Variants in HS3ST5 observed in about 807,000 individuals in gnomAD.
HS3ST5 encodes heparan sulfate-glucosamine 3-sulfotransferase 5.
In HS3ST5, 10 loss-of-function variants were observed where a neutral mutation model predicts 25.4. The ratio of observed to expected loss-of-function variants is 0.39; its 90% CI spans 0.24 to 0.67. HS3ST5 has a LOEUF of 0.67. Ranked by LOEUF, HS3ST5 falls within the 30% of genes least tolerant of loss-of-function variation. HS3ST5 has a pLI of 0.44. For missense variants in HS3ST5, 324 were observed against 420.7 expected, an observed-to-expected ratio of 0.77 and a Z score of 2.01; for synonymous variants, 170 against 162.4, an observed-to-expected ratio of 1.05 and a Z score of -0.36.
intron 1 of HS3ST5, among the ~76,000 whole-genome samples, chr6:114,239,590 A>G (rs1772010022): frequency 6.6e-6 from 1 of 152,108 alleles, no homozygotes; most frequent in Non-Finnish European, 1.5e-5. Flanking sequence ...AAACTAGGAG[A>G]TGAGAACTAC....
intron 3 of HS3ST5, among the ~76,000 whole-genome samples, chr6:114,072,649 T>C (rs978474680): frequency 6.6e-6 from 1 of 152,132 alleles, no homozygotes; most frequent in African/African-American, 2.4e-5. Flanking sequence ...AGTCAATTCA[T>C]GGTGGTAGCT....
At chr6:114,178,948 A>G (rs1281433279) in intron 2 of HS3ST5, 1 of 152,124 alleles carries the variant, frequency 6.6e-6, no homozygotes, top group Admixed American at 6.6e-5. Flanking sequence ...TTTTTGAAAA[A>G]AAAGGAAAAC....
intron 3 of HS3ST5, among the ~76,000 whole-genome samples, chr6:114,087,057 C>A (rs1385577308): frequency 6.6e-6 from 1 of 152,164 alleles, no homozygotes; most frequent in Non-Finnish European, 1.5e-5. Flanking sequence ...TCAGTGCTCA[C>A]CTGTGGGCTC....
chr6:114,165,407 G>A (rs1238040236), intron 3 of HS3ST5, among the ~76,000 whole-genome samples: 1 of 152,092 alleles, frequency 6.6e-6, no homozygotes, highest in Non-Finnish European at 1.5e-5. Flanking sequence ...TTTGGTCTTT[G>A]TTTCATTTTA....
chr6:114,323,526 A>G (rs539760389), intron 1 of HS3ST5, among the ~76,000 whole-genome samples: 54 of 152,222 alleles, frequency 3.5e-4, no homozygotes, highest in African/African-American at 1.3e-3. Flanking sequence ...TTCAAGTCCT[A>G]TCTCTTCCTC....
At chr6:114,335,518 T>A (rs1437219637) in intron 1 of HS3ST5, among the ~76,000 whole-genome samples, 1 of 152,178 alleles carries the variant, frequency 6.6e-6, no homozygotes, top group Non-Finnish European at 1.5e-5. Context: ...TTCAATTCCA[T>A]AGCAAAAACT....
intron 3 of HS3ST5, among the ~76,000 whole-genome samples, chr6:114,152,132 C>T (rs145824413): frequency 0.018 from 2,728 of 152,042 alleles, 40 homozygotes; most frequent in Non-Finnish European, 0.026. Context: ...TCTTGTTAGC[C>T]AGGATGGTCT....
chr6:114,200,205 G>A (rs903282065), intron 2 of HS3ST5, among the ~76,000 whole-genome samples: 3 of 152,090 alleles, frequency 2.0e-5, no homozygotes, highest in African/African-American at 7.2e-5. Context: ...AAACAAGAGT[G>A]AAACTTCAAC....
In HS3ST5 at chr6:114,223,884, T is replaced by C. The variant is rs1264143405; in HGVS notation, c.-145+4701A>G. 2.0e-5 allele frequency among the ~76,000 whole-genome samples: 3 copies of C among 151,860 alleles called. No individual in the cohort carries two copies. In the East Asian group the frequency reaches 5.8e-4, roughly 29 times the overall value. Reference sequence around the variant, plus strand: ...AATACAGGAGCTGAATTTTTAAACTTAGTCTACCACCTAAAAAATGGGTTA... The same window carrying C: ...AATACAGGAGCTGAATTTTTAAACTCAGTCTACCACCTAAAAAATGGGTTA... On this transcript the variant is annotated intron_variant, in intron 2 of 4. Transcript: ENST00000312719.
intron 1 of HS3ST5, among the ~76,000 whole-genome samples, chr6:114,297,861 C>A (rs931575553): frequency 6.6e-6 from 1 of 152,218 alleles, no homozygotes; most frequent in Non-Finnish European, 1.5e-5. Flanking sequence ...GAATCTGACA[C>A]ATTGTTTTGG....
chr6:114,060,217 T>C (rs1266764446), intron 4 of HS3ST5, among the ~76,000 whole-genome samples: 1 of 152,098 alleles, frequency 6.6e-6, no homozygotes, highest in Non-Finnish European at 1.5e-5. Flanking sequence ...TTTCACCATG[T>C]TGGCCTGGCT....
chr6:114,128,948 C>A (rs1420989637), intron 3 of HS3ST5, among the ~76,000 whole-genome samples: 1 of 152,120 alleles, frequency 6.6e-6, no homozygotes, highest in Non-Finnish European at 1.5e-5. Context: ...CTGATAAATT[C>A]TCTTCATCTT....
chr6:114,223,106 G>A (rs1332434458), intron 2 of HS3ST5, among the ~76,000 whole-genome samples: 1 of 151,254 alleles, frequency 6.6e-6, no homozygotes. Flanking sequence ...TTTTGCTGAG[G>A]TATATATAAT....
intron 1 of HS3ST5, among the ~76,000 whole-genome samples, chr6:114,276,140 G>A (rs1297508768): frequency 6.7e-6 from 1 of 148,412 alleles, no homozygotes; most frequent in Non-Finnish European, 1.5e-5. Context: ...CACATAGAAG[G>A]CAAGGGGGGA....
chr6:114,093,620 T>A (rs1244000031), intron 3 of HS3ST5, among the ~76,000 whole-genome samples: 20 of 152,050 alleles, frequency 1.3e-4, no homozygotes, highest in Admixed American at 1.3e-3. Flanking sequence ...TTTCTATACA[T>A]CTGGTTTCCT....
At chr6:114,225,640 C>T (rs938679086) in intron 2 of HS3ST5, among the ~76,000 whole-genome samples, 1 of 151,862 alleles carries the variant, frequency 6.6e-6, no homozygotes, top group Admixed American at 6.6e-5. Flanking sequence ...ACTTTAAAAA[C>T]TCAGTGTGTG....
intron 1 of HS3ST5, among the ~76,000 whole-genome samples, chr6:114,323,654 C>T (rs952326441): frequency 1.8e-4 from 28 of 152,152 alleles, no homozygotes; most frequent in Middle Eastern, 3.4e-3. Flanking sequence ...ATGCATGTTA[C>T]GGGTTTAATA....
chr6:114,174,200 A>G lies in HS3ST5; in HGVS notation c.-144-5738T>C, dbSNP rs558561433. 5.3e-4 allele frequency among the ~76,000 whole-genome samples: 80 copies of G among 151,974 alleles called. 1 individual carries two copies. The South Asian group carries it at 0.014, about 26-fold the overall frequency. ...ATCACTATCCTAATCAGCCTGGCTAATTTCTCCTCTTCAGTCTCAGCTTGG... is the reference window on the plus strand; with the variant it reads ...ATCACTATCCTAATCAGCCTGGCTAGTTTCTCCTCTTCAGTCTCAGCTTGG... On this transcript the variant is annotated intron_variant, in intron 2 of 4. Transcript: ENST00000312719.
chr6:114,186,252 C>CA (rs1180252561), intron 2 of HS3ST5, among the ~76,000 whole-genome samples: 2 of 151,952 alleles, frequency 1.3e-5, no homozygotes, highest in East Asian at 3.9e-4. Context: ...TGTCAAAAGC[C>CA]AAGAGAGGTC....
Sources: allele counts gnomAD v4.1 joint callset (sites outside exome capture counted in the v4.1 genomes callset), GRCh38; gene constraint gnomAD v4.1.1; transcripts MANE v1.5; gene names NCBI Gene and HGNC (gene_info 2026-07-23, HGNC 2026-07-21).